Variants in XRCC5 observed in about 807,000 individuals in gnomAD.
The protein encoded by XRCC5 is DNA repair protein Ku80.
Under a neutral mutation model 95.7 loss-of-function variants are expected in XRCC5, and 12 were observed. The observed-to-expected ratio is 0.13, with a 90% CI of 0.08 to 0.20. XRCC5 has a LOEUF of 0.20. Among genes scored for constraint, XRCC5 ranks in the 10% least tolerant of loss-of-function variants. The pLI is 1.00. For synonymous variants in XRCC5, 281 were observed against 290.3 expected (o/e 0.97, Z 0.33); for missense variants, 595 against 873.9 (o/e 0.68, Z 4.02).
In XRCC5 at chr2:216,138,130, G is replaced by T. The variant is rs778855570; in HGVS notation, c.1293G>T (p.Arg431=). The T allele has an allele frequency of 6.2e-7, 1 of 1,613,298 alleles. No homozygotes were observed. Residue 431 remains arginine, a synonymous_variant, in exon 12 of 21, where the codon CGG becomes CGT. Transcript: ENST00000392132. Reference sequence around the variant, plus strand: ...AGCTGCCTTTCATGGAAGACTTGCGGCAATACATGTTTTCATCCTTGAAAA... The same window carrying T: ...AGCTGCCTTTCATGGAAGACTTGCGTCAATACATGTTTTCATCCTTGAAAA... ...YVQLPFMEDL[R]QYMFSSLKNS...
chr2:216,171,926 T>A (rs1162295651), intron 16 of XRCC5, among the ~76,000 whole-genome samples: 1 of 152,256 alleles, frequency 6.6e-6, no homozygotes, highest in Admixed American at 6.5e-5. Flanking sequence ...AATTTGATGA[T>A]CTTTTGTAAA....
intron 16 of XRCC5, among the ~76,000 whole-genome samples, chr2:216,176,895 TATG>T (rs1307004161): frequency 1.3e-5 from 2 of 152,248 alleles, no homozygotes; most frequent in African/African-American, 4.8e-5. Flanking sequence ...TGCGATGTGT[TATG>T]ATTTTGTTTT....
At chr2:216,154,429 A>G (rs1187293688) in intron 14 of XRCC5, among the ~76,000 whole-genome samples, 1 of 152,228 alleles carries the variant, frequency 6.6e-6, no homozygotes, top group Non-Finnish European at 1.5e-5. Context: ...GTAAGCATTA[A>G]AAAGAAACGT....
intron 5 of XRCC5, among the ~76,000 whole-genome samples, chr2:216,121,705 T>C (rs1411644688): frequency 6.6e-6 from 1 of 152,120 alleles, no homozygotes; most frequent in Non-Finnish European, 1.5e-5. Context: ...CATTACAGTG[T>C]GGAAGAGGCC....
In XRCC5 at chr2:216,110,464, C is replaced by G. The variant is rs540312212; in HGVS notation, c.21+1007C>G. 177 of 152,324 alleles carry G rather than the reference C, an allele frequency of 1.2e-3. 1 individual carries two copies. The highest frequency in any genetic ancestry group is 4.0e-3 in the African/African-American group (165 of 41,564). 9.4% of individuals were successfully genotyped at this position (152,324 alleles called of 1,614,324 possible). On this transcript the variant is annotated intron_variant, in intron 1 of 20. Coordinates refer to ENST00000392132, the MANE Select transcript of XRCC5 (RefSeq NM_021141.4). ...CTCACCTCCTTTTTTCGTCCTCTTT[C>G]AGCTGCTGAAAACTTTGTAGCTCTA... is the stretch of plus-strand genomic sequence containing the variant.
At chr2:216,164,087 T>C (rs1328726757) in intron 16 of XRCC5, among the ~76,000 whole-genome samples, 1 of 152,212 alleles carries the variant, frequency 6.6e-6, no homozygotes, top group Admixed American at 6.5e-5. Context: ...CACAGTATTA[T>C]ACCTGTTGTC....
chr2:216,191,838 GTGTT>G (rs535489686), intron 17 of XRCC5, among the ~76,000 whole-genome samples: 154 of 152,266 alleles, frequency 1.0e-3, no homozygotes, highest in Non-Finnish European at 1.9e-3. Context: ...TGGCATGTGA[GTGTT>G]TGTTTTAAAA....
intron 13 of XRCC5, 51 bp downstream of exon 13, chr2:216,141,370 T>A: frequency 6.2e-7 from 1 of 1,608,808 alleles, no homozygotes; most frequent in Non-Finnish European, 8.5e-7. Flanking sequence ...GAAAGAGAGC[T>A]AAGTGCAAAG....
At chr2:216,116,596 A>G (rs767930598) in intron 2 of XRCC5, 63 bp from the exon 3 acceptor site, 1 of 1,593,938 alleles carries the variant, frequency 6.3e-7, no homozygotes, top group Admixed American at 1.7e-5. Context: ...CCTGAAGGTT[A>G]GGTATTTTAT....
At chr2:216,133,589 C>T (rs911279342) in intron 10 of XRCC5, among the ~76,000 whole-genome samples, 2 of 152,178 alleles carry the variant, frequency 1.3e-5, no homozygotes, top group Admixed American at 6.5e-5. Flanking sequence ...TTGAGACACA[C>T]ATGTTGGGTA....
At chr2:216,114,893 G>GC (rs1317615393) in intron 2 of XRCC5, among the ~76,000 whole-genome samples, 3 of 152,122 alleles carry the variant, frequency 2.0e-5, no homozygotes, top group Non-Finnish European at 4.4e-5. Flanking sequence ...TACGCATGCG[G>GC]CCCCCTCTTA....
chr2:216,149,354 C>T (rs541816681), intron 14 of XRCC5, among the ~76,000 whole-genome samples: 1 of 152,068 alleles, frequency 6.6e-6, no homozygotes, highest in East Asian at 1.9e-4. Flanking sequence ...CCCATAAGAC[C>T]ATCTCTCAAG....
intron 16 of XRCC5, among the ~76,000 whole-genome samples, chr2:216,173,980 ATTGT>A (rs1262447318): frequency 6.6e-6 from 1 of 152,204 alleles, no homozygotes; most frequent in Non-Finnish European, 1.5e-5. Context: ...TTGTTGGGAA[ATTGT>A]TTGTAGTTTT....
intron 16 of XRCC5, among the ~76,000 whole-genome samples, chr2:216,164,732 A>G (rs41301722): frequency 0.011 from 1,726 of 152,338 alleles, 36 homozygotes; most frequent in African/African-American, 0.04. Flanking sequence ...ACGGCCTTCT[A>G]CAATACGTTT....
intron 13 of XRCC5, among the ~76,000 whole-genome samples, chr2:216,142,206 A>G (rs1461201074): frequency 1.3e-5 from 2 of 152,156 alleles, no homozygotes; most frequent in Non-Finnish European, 2.9e-5. Flanking sequence ...GTATGTAAAT[A>G]ACACTTTTCT....
chr2:216,193,123 G>A (rs3821104), intron 18 of XRCC5, among the ~76,000 whole-genome samples: 110,065 of 151,996 alleles, frequency 0.72, 41,363 homozygotes, highest in East Asian at 0.95. Context: ...CCTCACCCAG[G>A]TTTTATCTCC....
intron 14 of XRCC5, among the ~76,000 whole-genome samples, chr2:216,149,079 C>T (rs373836315): frequency 4.8e-4 from 73 of 152,162 alleles, no homozygotes; most frequent in African/African-American, 1.7e-3. Flanking sequence ...AACCATGAAT[C>T]TTTTCCCCTT....
chr2:216,157,530 G>C (rs1425118127), intron 14 of XRCC5, among the ~76,000 whole-genome samples: 1 of 151,156 alleles, frequency 6.6e-6, no homozygotes, highest in Non-Finnish European at 1.5e-5. Context: ...ACCACGCCCG[G>C]CCAATACAAC....
At chr2:216,109,798 TC>T (rs1402559808) in intron 1 of XRCC5, among the ~76,000 whole-genome samples, 1 of 150,918 alleles carries the variant, frequency 6.6e-6, no homozygotes, top group African/African-American at 2.4e-5. Flanking sequence ...TAGCCCCACT[TC>T]CTCTATTACT....
Sources: gnomAD v4.1 joint callset for allele counts (sites outside exome capture counted in the v4.1 genomes callset) on GRCh38, gnomAD v4.1.1 for gene constraint, MANE v1.5 for transcripts, NCBI Gene and HGNC (gene_info 2026-07-23, HGNC 2026-07-21) for gene names.